Variants in LARP4B observed in about 807,000 individuals in gnomAD.
LARP4B encodes the protein La ribonucleoprotein 4B.
A neutral mutation model predicts 89.8 loss-of-function variants in LARP4B; 12 were observed. The observed-to-expected ratio is 0.13, with a 90% CI of 0.09 to 0.22. The LOEUF is 0.22. Among genes scored for constraint, LARP4B ranks in the 10% least tolerant of loss-of-function variants. The pLI, the probability that LARP4B is intolerant of heterozygous loss-of-function variation, is 1.00. For missense variants in LARP4B, 757 were observed against 947.7 expected (o/e 0.80, Z 2.64); for synonymous variants, 367 against 363.3 (o/e 1.01, Z -0.12).
intron 4 of LARP4B, 116 bp from the exon 5 acceptor site, chr10:863,999 T>C: frequency 6.5e-7 from 1 of 1,547,588 alleles, no homozygotes; most frequent in East Asian, 2.3e-5. Context: ...CTCTGGGCTC[T>C]CAAGCACTGC....
chr10:983,738 C>A, the LARP4B span, among the ~76,000 whole-genome samples: 1 of 152,132 alleles, frequency 6.6e-6, no homozygotes, highest in Non-Finnish European at 1.5e-5. Flanking sequence ...ACAGGGCTTT[C>A]ACGTATGAAT....
intron 1 of LARP4B, among the ~76,000 whole-genome samples, chr10:910,047 C>T (rs745936709): frequency 3.9e-5 from 6 of 152,144 alleles, no homozygotes; most frequent in Admixed American, 6.5e-5. Flanking sequence ...TCATGCCTCC[C>T]GCCCCAGATC....
intron 1 of LARP4B, among the ~76,000 whole-genome samples, chr10:897,227 A>G (rs1346828046): frequency 1.3e-5 from 2 of 152,220 alleles, no homozygotes; most frequent in African/African-American, 4.8e-5. Flanking sequence ...AAACCGTTAC[A>G]TTTATAGACA....
At chr10:860,198 TA>T (rs960909849) in intron 5 of LARP4B, among the ~76,000 whole-genome samples, 9 of 151,794 alleles carry the variant, frequency 5.9e-5, no homozygotes, top group East Asian at 1.9e-4. Flanking sequence ...GAAAGTGCTC[TA>T]AAAAAAACAG....
chr10:965,890 C>A, the LARP4B span, among the ~76,000 whole-genome samples: 2 of 152,134 alleles, frequency 1.3e-5, no homozygotes, highest in East Asian at 3.8e-4. Context: ...AGAGCTCAGG[C>A]CCCTTCCCGG....
the LARP4B span, among the ~76,000 whole-genome samples, chr10:937,946 G>A: frequency 9.9e-5 from 15 of 152,002 alleles, no homozygotes; most frequent in Admixed American, 7.2e-4. Flanking sequence ...GTGCAGTGGC[G>A]TGATCTCGGC....
the LARP4B span, among the ~76,000 whole-genome samples, chr10:945,487 C>T: frequency 6.6e-5 from 10 of 151,676 alleles, no homozygotes; most frequent in African/African-American, 1.7e-4. Context: ...GAGATCGAGA[C>T]CATCCTGGCT....
At chr10:891,444 C>T (rs1010410887) in intron 1 of LARP4B, among the ~76,000 whole-genome samples, 10 of 152,120 alleles carry the variant, frequency 6.6e-5, no homozygotes, top group Admixed American at 1.3e-4. Flanking sequence ...GATGTGATAA[C>T]GATGTGGTTA....
At chr10:909,614 G>A (rs536835920) in intron 1 of LARP4B, among the ~76,000 whole-genome samples, 48 of 151,692 alleles carry the variant, frequency 3.2e-4, no homozygotes, top group Middle Eastern at 3.4e-3. Context: ...GTGAAACCTC[G>A]TCTCTACTAA....
the LARP4B span, among the ~76,000 whole-genome samples, chr10:938,068 TAGAC>T: frequency 1.3e-5 from 2 of 151,156 alleles, no homozygotes; most frequent in South Asian, 4.2e-4. Flanking sequence ...GTATTTTTAG[TAGAC>T]AGGGTTTCTT....
At chr10:930,807 G>A (rs1019411050) in intron 1 of LARP4B, among the ~76,000 whole-genome samples, 9 of 152,136 alleles carry the variant, frequency 5.9e-5, no homozygotes, top group African/African-American at 1.2e-4. Flanking sequence ...CAACTTCCTG[G>A]TTCTAAAGGA....
rs567123239 is a variant in LARP4B, at chr10:891,751, A to G, written c.-39-5991T>C. Among the ~76,000 whole-genome samples, 4 of 152,380 alleles carry G rather than the reference A, an allele frequency of 2.6e-5. No individual in the cohort carries two copies. In the South Asian group the frequency reaches 8.3e-4, roughly 32 times the overall value. On this transcript the variant is annotated intron_variant, in intron 1 of 17. Transcript: ENST00000316157. Reference sequence around the variant, plus strand: ...ACCTATTAAAAAAAGTAACCTTTACACCAATATATCTCTTAATTACTAATC... The same window carrying G: ...ACCTATTAAAAAAAGTAACCTTTACGCCAATATATCTCTTAATTACTAATC...
Position 830,876 on chromosome 10 carries a change from A to C in LARP4B, c.852T>G (p.Asp284Glu). 7.3e-7 allele frequency: 1 copy of C among 1,363,416 alleles called. No individual in the cohort carries two copies. The highest frequency in any genetic ancestry group is 2.3e-5 in the East Asian group (1 of 43,362). 84.5% of individuals were successfully genotyped at this position (1,363,416 alleles called of 1,614,324 possible). A position where few individuals can be genotyped will look rare whatever the true frequency, so the allele number is the denominator to read the frequency against. Residue 284 changes from aspartate to glutamate, a missense_variant, in exon 9 of 18, where the codon GAT becomes GAG. By Grantham distance (45) the Asp-to-Glu change is conservative (BLOSUM62 2). Transcript: ENST00000316157. ...GGTGGAAAGAACTTACCTGTTGTGC[A>C]TCAGCTTCTGTTTCAAATGTAATAA... is the stretch of plus-strand genomic sequence containing the variant. The part of the protein sequence containing the change: ...NWFITFETEA[D>E]AQQAYKYLRE...
In LARP4B at chr10:825,085, A is replaced by G. The variant is rs1832552303; in HGVS notation, c.1464T>C (p.Ser488=). The change falls in exon 13 of 18, where the codon TCT becomes TCC. Residue 488 remains serine, a synonymous_variant. Coordinates refer to ENST00000316157, the MANE Select transcript of LARP4B (RefSeq NM_015155.3). ...GRVEPGSLES[S]PGLGRGRKNS... is the part of the protein sequence containing the mutation. Reference sequence around the variant, plus strand: ...CTCACCTTCCCCTCCCTAAACCAGGAGAGGATTCGAGACTGCCTGGCTCCA... The same window carrying G: ...CTCACCTTCCCCTCCCTAAACCAGGGGAGGATTCGAGACTGCCTGGCTCCA... 2.5e-6 allele frequency: 4 copies of G among 1,614,186 alleles called. No individual in the cohort carries two copies. Among genetic ancestry groups the G allele is most frequent in the Non-Finnish European group, 3.4e-6 (4 of 1,179,982 alleles).
chr10:918,632 CAAAAAAAAA>C (rs57396015), intron 1 of LARP4B, among the ~76,000 whole-genome samples: 4 of 48,374 alleles, frequency 8.3e-5, no homozygotes, highest in Non-Finnish European at 1.3e-4. Flanking sequence ...GACCCTGTCT[CAAAAAAAAA>C]AAAAAAAAAA....
At chr10:867,523 G>A (rs1000664705) in intron 3 of LARP4B, among the ~76,000 whole-genome samples, 1 of 152,126 alleles carries the variant, frequency 6.6e-6, no homozygotes, top group African/African-American at 2.4e-5. Flanking sequence ...TATAAAATAT[G>A]GTTATTCTCT....
At chr10:914,496 CAA>C (rs540188912) in intron 1 of LARP4B, among the ~76,000 whole-genome samples, 16 of 112,222 alleles carry the variant, frequency 1.4e-4, no homozygotes, top group Admixed American at 1.8e-4. Context: ...AAGACTCAGC[CAA>C]AAAAAAAAAA....
Position 811,069 on chromosome 10 carries a change from T to C in LARP4B, c.*1857A>G, listed in dbSNP as rs1831729267. 6.6e-6 allele frequency: 1 copy of C among 152,558 alleles called. No individual in the cohort carries two copies. Among genetic ancestry groups the C allele is most frequent in the South Asian group, 2.1e-4 (1 of 4,838 alleles). The allele number at this position is 152,558 out of a possible 1,614,324, so 9.5% of individuals were successfully genotyped here. ...TCTTTCACATTAGATATGATTAGTA[T>C]GCATTTACATACATTTTAAAAGAGT... On this transcript the variant is annotated 3_prime_UTR_variant, in exon 18 of 18. Coordinates refer to ENST00000316157, the MANE Select transcript of LARP4B (RefSeq NM_015155.3).
At chr10:956,982 G>A in the LARP4B span, among the ~76,000 whole-genome samples, 1 of 152,148 alleles carries the variant, frequency 6.6e-6, no homozygotes, top group Non-Finnish European at 1.5e-5. The surrounding 1 kb of genome is among the most constrained non-coding windows in gnomAD (Gnocchi z 4.3). Context: ...GCGGTGAACA[G>A]TTTGCTCCTT....
Sources: gnomAD v4.1 joint callset for allele counts (sites outside exome capture counted in the v4.1 genomes callset) on GRCh38, gnomAD v4.1.1 for gene constraint, Gnocchi (gnomAD v3.1) non-coding constraint, MANE v1.5 for transcripts, NCBI Gene and HGNC (gene_info 2026-07-23, HGNC 2026-07-21) for gene names.